FADS2: variants seen among roughly 807,000 people sequenced by gnomAD.
FADS2 encodes the protein fatty acid desaturase 2.
In FADS2, 18 loss-of-function variants were observed where a neutral mutation model predicts 61.2. The ratio of observed to expected loss-of-function variants is 0.29; its 90% CI spans 0.20 to 0.44. The LOEUF is 0.44. FADS2 is among the 20% of genes least tolerant of loss of function. The probability of loss-of-function intolerance (pLI) is 1.00; values close to 1 mark genes in which losing one functional copy is unlikely to be tolerated. For missense variants in FADS2, 322 were observed against 572.7 expected (o/e 0.56, Z 4.47); for synonymous variants, 203 against 223.9 (o/e 0.91, Z 0.83).
At chr11:61,826,630 T>C, upstream of FADS2, 1 of 555,880 alleles carries the variant, frequency 1.8e-6, no homozygotes, top group East Asian at 3.0e-5. Flanking sequence ...AGAAGGCTTT[T>C]GTTTGGGATG....
intron 1 of FADS2, among the ~76,000 whole-genome samples, chr11:61,821,712 A>G (rs1331517034): frequency 6.6e-6 from 1 of 152,268 alleles, no homozygotes; most frequent in Non-Finnish European, 1.5e-5. Context: ...CACAGTAGGC[A>G]CTAATAAAGT....
At chr11:61,851,846 A>G (rs748226597) in intron 5 of FADS2, among the ~76,000 whole-genome samples, 1 of 152,224 alleles carries the variant, frequency 6.6e-6, no homozygotes, top group African/African-American at 2.4e-5. Context: ...GGTCTTATTG[A>G]TGCTGTCCAG....
Position 61,847,967 on chromosome 11 carries a change from T to C in FADS2, c.619-192T>C, listed in dbSNP as rs182741003. The C allele has an allele frequency of 6.6e-6, 4 of 605,546 alleles. No homozygotes were observed. In the Admixed American group the frequency reaches 1.2e-4, roughly 18 times the overall value. 37.5% of individuals were successfully genotyped at this position (605,546 alleles called of 1,614,324 possible). The stretch of plus-strand genomic sequence containing the variant: ...CTGAAGCCTAGAGAGATAAAGTGAC[T>C]TCACTCCATCTGGGGCTGGCGCATG... On this transcript the variant is annotated intron_variant, in intron 4 of 11. Coordinates refer to ENST00000278840, the MANE Select transcript of FADS2 (RefSeq NM_004265.4).
intron 1 of FADS2, among the ~76,000 whole-genome samples, chr11:61,834,357 A>T (rs924324746): frequency 3.3e-5 from 5 of 152,236 alleles, no homozygotes; most frequent in African/African-American, 4.8e-5. Context: ...TGGCTCTGCC[A>T]CCTGGAGCCC....
chr11:61,866,180 G>A lies in FADS2; in HGVS notation c.*491G>A, dbSNP rs74956064. ...CCGGCCTGGCTTCACTCTCCCTGACGGCTGCCATTGGTCCACCCTTTCATA... is the reference window on the plus strand; with the variant it reads ...CCGGCCTGGCTTCACTCTCCCTGACAGCTGCCATTGGTCCACCCTTTCATA... On this transcript the variant is annotated 3_prime_UTR_variant, in exon 12 of 12. Transcript: ENST00000278840. 0.011 allele frequency: 4,516 copies of A among 397,668 alleles called. 165 individuals carry two copies. Among genetic ancestry groups the A allele is most frequent in the African/African-American group, 0.083 (4,041 of 48,710 alleles). 24.6% of individuals were successfully genotyped at this position (397,668 alleles called of 1,614,324 possible). A position where few individuals can be genotyped will look rare whatever the true frequency, so the allele number is the denominator to read the frequency against.
At chr11:61,863,953 GGGGC>G in intron 10 of FADS2, 167 bp downstream of exon 10, 1 of 614,218 alleles carries the variant, frequency 1.6e-6, no homozygotes, top group Middle Eastern at 4.1e-4. Flanking sequence ...GGTCAGGAGA[GGGGC>G]TCCCCTATTC....
Position 61,866,538 on chromosome 11 carries a change from C to T in FADS2, c.*849C>T, listed in dbSNP as rs898931992. On this transcript the variant is annotated 3_prime_UTR_variant, in exon 12 of 12. Coordinates refer to ENST00000278840, the MANE Select transcript of FADS2 (RefSeq NM_004265.4). ...ACCCTCCAGCTTTTCCTCAGGGTGT[C>T]CTGAGGTCCAAGATTCTGGAGCAAT... 2.0e-5 allele frequency: 3 copies of T among 152,542 alleles called. No individual in the cohort carries two copies. The highest frequency in any genetic ancestry group is 4.1e-4 in the South Asian group (2 of 4,828). The allele number at this position is 152,542 out of a possible 1,614,324, so 9.4% of individuals were successfully genotyped here.
intron 1 of FADS2, among the ~76,000 whole-genome samples, chr11:61,831,592 A>G (rs937933742): frequency 1.3e-5 from 2 of 152,194 alleles, no homozygotes; most frequent in Non-Finnish European, 2.9e-5. Flanking sequence ...TGGTCCTTCC[A>G]CAGAAGCTAA....
At chr11:61,832,778 A>T (rs1391112880) in intron 1 of FADS2, among the ~76,000 whole-genome samples, 1 of 151,998 alleles carries the variant, frequency 6.6e-6, no homozygotes. Context: ...GCATCTCCAC[A>T]CTCTTAGATC....
rs1477562535 is a variant in FADS2 at position 61,821,463 on chromosome 11, T to G, written c.141+5037T>G. The G allele has an allele frequency of 8.6e-6, 6 of 698,310 alleles. No individual in the cohort carries two copies. The African/African-American group carries it at 1.1e-4, about 12-fold the overall frequency. 43.3% of individuals were successfully genotyped at this position (698,310 alleles called of 1,614,324 possible). ...ACTGCCAGTGGCTGTTGGAATAACC[T>G]GAATTGTGAGTTCAAATTTTGATCC... On this transcript the variant is annotated intron_variant, in intron 1 of 11. Coordinates refer to the FADS2 transcript ENST00000257261.
At chr11:61,823,342 C>A (rs2067047711), upstream of FADS2, among the ~76,000 whole-genome samples, 1 of 152,214 alleles carries the variant, frequency 6.6e-6, no homozygotes, top group African/African-American at 2.4e-5. Flanking sequence ...GCTAGTCCAC[C>A]TACTGCTGTG....
intron 5 of FADS2, among the ~76,000 whole-genome samples, chr11:61,852,873 G>T (rs919288531): frequency 6.6e-6 from 1 of 152,032 alleles, no homozygotes; most frequent in African/African-American, 2.4e-5. Flanking sequence ...GTAGTCTCTC[G>T]GCCCAGCGTG....
Position 61,850,538 on chromosome 11 carries a change from C to T in FADS2, c.744+2254C>T, listed in dbSNP as rs1051937980. ...TGCTGGGATTACGGGTGTAAGCCAC[C>T]GCGCCTGGCCCATAATTTCTTTTGA... On this transcript the variant is annotated intron_variant, in intron 5 of 11. Coordinates refer to ENST00000278840, the MANE Select transcript of FADS2 (RefSeq NM_004265.4). Among the ~76,000 whole-genome samples the T allele has an allele frequency of 8.5e-5, 13 of 152,174 alleles. 1 individual carries two copies. Among genetic ancestry groups the T allele is most frequent in the Admixed American group, 6.5e-4 (10 of 15,286 alleles).
chr11:61,821,081 C>T (rs1591160064), intron 1 of FADS2, among the ~76,000 whole-genome samples: 1 of 152,202 alleles, frequency 6.6e-6, no homozygotes, highest in Non-Finnish European at 1.5e-5. Flanking sequence ...CTAAAGGAAA[C>T]CTTTGCCTTG....
Position 61,865,044 on chromosome 11 carries a change from A to G in FADS2, c.1158-108A>G. The stretch of plus-strand genomic sequence containing the variant: ...ACTTTGAGACTGGTCCTGGCTGTGG[A>G]CAGGGTCTCTGAGGGCCCCAGCCAG... On this transcript the variant is annotated intron_variant, in intron 10 of 11. Transcript: ENST00000278840. The surrounding 1 kb of genome is among the most constrained non-coding windows in gnomAD (Gnocchi z 4.1). 1 of 1,329,084 alleles carries G rather than the reference A, an allele frequency of 7.5e-7. No homozygotes were observed. The highest frequency in any genetic ancestry group is 1.0e-6 in the Non-Finnish European group (1 of 963,054). The allele number at this position is 1,329,084 out of a possible 1,614,324, so 82.3% of individuals were successfully genotyped here.
chr11:61,845,903 C>T (rs1487187539), intron 4 of FADS2, among the ~76,000 whole-genome samples: 1 of 152,136 alleles, frequency 6.6e-6, no homozygotes, highest in Admixed American at 6.5e-5. Flanking sequence ...CACCTCACTG[C>T]CTCCTTGTTG....
Position 61,863,358 on chromosome 11 carries a change from C to T in FADS2, c.1057C>T (p.Arg353Cys), listed in dbSNP as rs1301401830. 2 of 1,613,354 alleles carry T rather than the reference C, an allele frequency of 1.2e-6. No individual in the cohort carries two copies. Among genetic ancestry groups the T allele is most frequent in the Non-Finnish European group, 1.7e-6 (2 of 1,179,412 alleles). ...CATGGAGATTGACCAGGAGGCCTAC[C>T]GTGACTGGTTCAGTAGCCAGGTAGG... ...IVMEIDQEAY[R>C]DWFSSQLTAT... is the part of the protein sequence containing the mutation. The change falls in exon 9 of 12, where the codon CGT (arginine) becomes TGT (cysteine). Residue 353 changes from arginine to cysteine, a missense_variant. Arg to Cys is a radical substitution (Grantham distance 180, BLOSUM62 -3). Coordinates refer to ENST00000278840, the MANE Select transcript of FADS2 (RefSeq NM_004265.4).
intron 1 of FADS2, among the ~76,000 whole-genome samples, chr11:61,823,073 C>A (rs1746799987): frequency 6.6e-6 from 1 of 152,212 alleles, no homozygotes; most frequent in Non-Finnish European, 1.5e-5. Flanking sequence ...TTTTACTGCA[C>A]TTCTTATCAC....
upstream of FADS2, chr11:61,826,080 T>C (rs1350886741): frequency 7.1e-6 from 5 of 702,618 alleles, no homozygotes; most frequent in South Asian, 5.9e-5. Flanking sequence ...GTTATCTTTC[T>C]ACACCATGGA....
Sources: allele counts gnomAD v4.1 joint callset (sites outside exome capture counted in the v4.1 genomes callset), GRCh38; gene constraint gnomAD v4.1.1; non-coding constraint Gnocchi (gnomAD v3.1); transcripts MANE v1.5; gene names NCBI Gene and HGNC (gene_info 2026-07-23, HGNC 2026-07-21).